Variants in RBFOX3 observed in about 807,000 individuals in gnomAD.
RBFOX3 encodes the protein RNA binding fox-1 homolog 3.
Under a neutral mutation model 48.7 loss-of-function variants are expected in RBFOX3, and 17 were observed. The ratio of observed to expected loss-of-function variants is 0.35; its 90% confidence interval spans 0.24 to 0.52. The LOEUF (loss-of-function observed/expected upper bound fraction) is 0.52. Ranked by LOEUF, RBFOX3 falls within the 20% of genes least tolerant of loss-of-function variation. RBFOX3 has a pLI of 0.94. For synonymous variants in RBFOX3, 212 were observed against 209.5 expected, an observed-to-expected ratio of 1.01 and a Z score of -0.10; for missense variants, 382 against 497.5, an observed-to-expected ratio of 0.77 and a Z score of 2.21.
intron 1 of RBFOX3, among the ~76,000 whole-genome samples, chr17:79,529,843 A>T (rs2150069883): frequency 6.6e-6 from 1 of 152,328 alleles, no homozygotes; most frequent in Admixed American, 6.5e-5. Flanking sequence ...CAGCTCCCCC[A>T]GTTCCCCCAG....
chr17:79,315,454 G>A (rs779022445), intron 2 of RBFOX3, among the ~76,000 whole-genome samples: 2 of 152,336 alleles, frequency 1.3e-5, no homozygotes, highest in Admixed American at 6.5e-5. Context: ...CAGAGGGGAC[G>A]TGAAAAGAGC....
intron 3 of RBFOX3, among the ~76,000 whole-genome samples, chr17:79,287,520 C>T (rs2072232246): frequency 6.6e-6 from 1 of 152,194 alleles, no homozygotes; most frequent in African/African-American, 2.4e-5. Context: ...CCATGACATG[C>T]TCAGCAAAAT....
chr17:79,663,379 A>G, the RBFOX3 span, among the ~76,000 whole-genome samples: 8 of 152,292 alleles, frequency 5.3e-5, no homozygotes, highest in African/African-American at 1.9e-4. Flanking sequence ...GCAGCCAAAG[A>G]GCTTCTTCCC....
the RBFOX3 span, among the ~76,000 whole-genome samples, chr17:79,637,352 T>C: frequency 1.3e-5 from 2 of 152,002 alleles, no homozygotes; most frequent in Non-Finnish European, 1.5e-5. Flanking sequence ...AAATATACAT[T>C]TTTCTCAAGT....
intron 2 of RBFOX3, among the ~76,000 whole-genome samples, chr17:79,334,091 T>A (rs1383167158): frequency 6.6e-6 from 1 of 152,164 alleles, no homozygotes; most frequent in African/African-American, 2.4e-5. Context: ...TTTTACCTGA[T>A]GATCCTTGAA....
At chr17:79,331,331 T>C (rs1399612937) in intron 2 of RBFOX3, among the ~76,000 whole-genome samples, 1 of 152,164 alleles carries the variant, frequency 6.6e-6, no homozygotes, top group African/African-American at 2.4e-5. Context: ...ATGTCTGGGA[T>C]GGCCACACTG....
intron 2 of RBFOX3, among the ~76,000 whole-genome samples, chr17:79,378,169 C>T (rs371116393): frequency 1.3e-5 from 2 of 152,128 alleles, no homozygotes; most frequent in South Asian, 4.2e-4. Flanking sequence ...CTCCACCGAG[C>T]CCAGAGCCCT....
At chr17:79,657,312 C>T in the RBFOX3 span, among the ~76,000 whole-genome samples, 1 of 152,170 alleles carries the variant, frequency 6.6e-6, no homozygotes, top group Admixed American at 6.5e-5. Flanking sequence ...CACCCCCACA[C>T]ACTCCCAGCA....
intron 4 of RBFOX3, among the ~76,000 whole-genome samples, chr17:79,215,654 T>A (rs2147249351): frequency 6.6e-6 from 1 of 152,296 alleles, no homozygotes; most frequent in Admixed American, 6.5e-5. Flanking sequence ...GCTCAGGGAA[T>A]AGCACATAGA....
intron 2 of RBFOX3, among the ~76,000 whole-genome samples, chr17:79,340,802 A>G (rs1041899388): frequency 6.6e-6 from 1 of 152,232 alleles, no homozygotes. Flanking sequence ...CATGAAAGCA[A>G]ATTCCTCAGA....
intron 4 of RBFOX3, among the ~76,000 whole-genome samples, chr17:79,116,225 T>C (rs1206005465): frequency 2.0e-5 from 3 of 152,326 alleles, no homozygotes; most frequent in Non-Finnish European, 1.5e-5. Flanking sequence ...TGAGGACTAC[T>C]GCTCTTCCCC....
At chr17:79,260,533 A>G (rs999563902) in intron 3 of RBFOX3, among the ~76,000 whole-genome samples, 1 of 152,208 alleles carries the variant, frequency 6.6e-6, no homozygotes, top group Admixed American at 6.5e-5. Context: ...TGGCACCTCC[A>G]CGGGTGAGGG....
At chr17:79,412,503 A>G (rs1338988653) in intron 2 of RBFOX3, among the ~76,000 whole-genome samples, 1 of 150,454 alleles carries the variant, frequency 6.6e-6, no homozygotes, top group Non-Finnish European at 1.5e-5. Flanking sequence ...GTATGAGGGT[A>G]TGGTGTGTAT....
Position 79,252,316 on chromosome 17 carries a change from C to A in RBFOX3, c.-73-16511G>T, listed in dbSNP as rs185112085. On this transcript the variant is annotated intron_variant, in intron 3 of 14. Coordinates refer to ENST00000693108, the MANE Select transcript of RBFOX3 (RefSeq NM_001350451.2). This position sits in a 1 kb window ranked among gnomAD's most constrained non-coding sequence, Gnocchi z 4.0. ...TTTGCTTCCCTTGATGTCTCCCAGACTGCTCTGTCCCACATGGCTGAGGCT... is the reference window on the plus strand; with the variant it reads ...TTTGCTTCCCTTGATGTCTCCCAGAATGCTCTGTCCCACATGGCTGAGGCT... Among the ~76,000 whole-genome samples, 1 of 152,342 alleles carries A rather than the reference C, an allele frequency of 6.6e-6. No homozygotes were observed. The highest frequency in any genetic ancestry group is 6.5e-5 in the Admixed American group (1 of 15,300).
At chr17:79,497,786 G>GCTCTC in intron 1 of RBFOX3, among the ~76,000 whole-genome samples, 1 of 152,218 alleles carries the variant, frequency 6.6e-6, no homozygotes, top group East Asian at 1.9e-4. Context: ...GGCCAAAGCT[G>GCTCTC]CTCCCCTCCC....
intron 2 of RBFOX3, among the ~76,000 whole-genome samples, chr17:79,385,658 C>T (rs144122410): frequency 6.6e-6 from 1 of 152,208 alleles, no homozygotes; most frequent in East Asian, 1.9e-4. Context: ...CTATCACCCC[C>T]GTTACAGACA....
chr17:79,239,849 C>T (rs950338908), intron 3 of RBFOX3, among the ~76,000 whole-genome samples: 2 of 152,242 alleles, frequency 1.3e-5, no homozygotes, highest in African/African-American at 4.8e-5. Flanking sequence ...GAGCTGGACC[C>T]CTGTTTTGAA....
At chr17:79,564,699 A>G (rs2144329491) in intron 1 of RBFOX3, among the ~76,000 whole-genome samples, 2 of 152,334 alleles carry the variant, frequency 1.3e-5, no homozygotes, top group South Asian at 2.1e-4. Context: ...GAAACAAATT[A>G]TGAATTTTGG....
intron 4 of RBFOX3, among the ~76,000 whole-genome samples, chr17:79,179,891 T>C (rs1023440691): frequency 1.3e-5 from 2 of 152,082 alleles, no homozygotes; most frequent in African/African-American, 4.8e-5. Flanking sequence ...GGGTCAGATG[T>C]TGGGGGACCA....
Sources: gnomAD v4.1 joint callset for allele counts (sites outside exome capture counted in the v4.1 genomes callset) on GRCh38, gnomAD v4.1.1 for gene constraint, Gnocchi (gnomAD v3.1) non-coding constraint, MANE v1.5 for transcripts, NCBI Gene and HGNC (gene_info 2026-07-23, HGNC 2026-07-21) for gene names.